BLTP2: variants seen among roughly 807,000 people sequenced by gnomAD.
BLTP2 encodes the protein bridge-like lipid transfer protein family member 2.
the BLTP2 span, chr17:28,635,898 A>G: frequency 3.0e-6 from 1 of 332,802 alleles, no homozygotes; most frequent in Non-Finnish European, 5.5e-6. Context: ...TTTGGTATCT[A>G]CCATAGTATA....
chr17:28,615,185 T>G, the BLTP2 span: 1 of 1,614,128 alleles, frequency 6.2e-7, no homozygotes, highest in Non-Finnish European at 8.5e-7. Context: ...CGATTTAGTT[T>G]CTAGCTTTCC....
the BLTP2 span, chr17:28,631,797 AT>A: frequency 6.2e-7 from 1 of 1,609,664 alleles, no homozygotes; most frequent in Non-Finnish European, 8.5e-7. Flanking sequence ...GATAGGAGAA[AT>A]GAAAGGAGTC....
At chr17:28,624,063 C>A in the BLTP2 span, 7 of 1,402,274 alleles carry the variant, frequency 5.0e-6, no homozygotes, top group Non-Finnish European at 6.9e-6. Flanking sequence ...TGCTGGCTTA[C>A]CAAGTAAATT....
At chr17:28,640,052 G>A in the BLTP2 span, 1 of 1,610,122 alleles carries the variant, frequency 6.2e-7, no homozygotes, top group Non-Finnish European at 8.5e-7. Context: ...TCCAGCTCAG[G>A]AAGATGTGGA....
At chr17:28,632,879 C>A in the BLTP2 span, 2 of 1,269,334 alleles carry the variant, frequency 1.6e-6, no homozygotes, top group South Asian at 1.7e-5. Flanking sequence ...AAGCTAAAGT[C>A]CCCAGCATCC....
the BLTP2 span, chr17:28,634,881 C>T: frequency 6.8e-6 from 11 of 1,613,868 alleles, no homozygotes. Flanking sequence ...TGGCACTCTC[C>T]TTACTTTCAT....
chr17:28,636,957 A>C, the BLTP2 span: 1 of 1,612,464 alleles, frequency 6.2e-7, no homozygotes, highest in Non-Finnish European at 8.5e-7. Flanking sequence ...TCTCCACAGG[A>C]ACATTACCTC....
At chr17:28,618,728 C>G in the BLTP2 span, 1 of 1,362,832 alleles carries the variant, frequency 7.3e-7, no homozygotes, top group Non-Finnish European at 1.0e-6. Context: ...ATGAGTTAGA[C>G]TCCTAAGCTA....
the BLTP2 span, chr17:28,615,721 T>C: frequency 3.9e-5 from 63 of 1,614,068 alleles, no homozygotes; most frequent in Non-Finnish European, 5.2e-5. Flanking sequence ...AGTCTAGCCA[T>C]GTCCATGTGT....
chr17:28,638,270 C>T, the BLTP2 span: 1 of 1,612,530 alleles, frequency 6.2e-7, no homozygotes, highest in Non-Finnish European at 8.5e-7. Flanking sequence ...TGAAGGAGTC[C>T]AGAACAAGTG....
At chr17:28,628,690 T>TGA in the BLTP2 span, 11 of 750,564 alleles carry the variant, frequency 1.5e-5, no homozygotes, top group Non-Finnish European at 1.9e-5. Flanking sequence ...ATCCCAGCAC[T>TGA]TTGGGAGGCC....
chr17:28,628,169 T>G, the BLTP2 span: 2 of 1,056,118 alleles, frequency 1.9e-6, no homozygotes, highest in South Asian at 1.5e-5. Context: ...TTTACCTAGA[T>G]AGAAGCACCA....
At chr17:28,615,736 G>A in the BLTP2 span, 1 of 1,614,172 alleles carries the variant, frequency 6.2e-7, no homozygotes, top group Non-Finnish European at 8.5e-7. Context: ...ATGTGTTGTT[G>A]TGGTACTCCA....
chr17:28,633,215 T>C, the BLTP2 span: 1 of 1,599,258 alleles, frequency 6.3e-7, no homozygotes, highest in Admixed American at 1.7e-5. Context: ...CACTTCCCCT[T>C]GGCTCTTCCC....
the BLTP2 span, chr17:28,632,001 T>G: frequency 4.4e-6 from 7 of 1,607,262 alleles, no homozygotes; most frequent in East Asian, 2.2e-5. Context: ...ACAAGAAAAC[T>G]AGAAGCAGAA....
chr17:28,630,488 T>G, the BLTP2 span, among the ~76,000 whole-genome samples: 3 of 146,644 alleles, frequency 2.0e-5, no homozygotes, highest in Non-Finnish European at 4.5e-5. Context: ...TTTTTTTTTT[T>G]TTGTATTTTG....
chr17:28,645,040 GAGA>G, the BLTP2 span: 25 of 1,601,430 alleles, frequency 1.6e-5, no homozygotes, highest in East Asian at 2.3e-5. Flanking sequence ...CAACAGCGCG[GAGA>G]AGAACAGAGG....
At chr17:28,615,374 TGG>T in the BLTP2 span, 1 of 837,930 alleles carries the variant, frequency 1.2e-6, no homozygotes, top group South Asian at 1.8e-5. Context: ...TCACATACAA[TGG>T]TCTCTGCTTT....
chr17:28,642,146 A>G, the BLTP2 span: 1 of 1,584,886 alleles, frequency 6.3e-7, no homozygotes, highest in African/African-American at 1.3e-5. Flanking sequence ...AAATGTGGTG[A>G]TCTGGAACAC....
Sources: allele counts gnomAD v4.1 joint callset (sites outside exome capture counted in the v4.1 genomes callset), GRCh38; gene constraint gnomAD v4.1.1; transcripts MANE v1.5; gene names NCBI Gene and HGNC (gene_info 2026-07-23, HGNC 2026-07-21).